MGA: variants seen among roughly 807,000 people sequenced by gnomAD.
The protein encoded by MGA is MAX gene-associated protein.
In MGA, 40 loss-of-function variants were observed where a neutral mutation model predicts 261.1. The observed-to-expected ratio is 0.15, with a 90% CI of 0.12 to 0.20. The LOEUF (loss-of-function observed/expected upper bound fraction) is 0.20, where lower values mean the gene tolerates loss of function less well. Among genes scored for constraint, MGA ranks in the 10% least tolerant of loss-of-function variants. MGA has a pLI of 1.00. For missense variants in MGA, 3,397 were observed against 3,630.5 expected (o/e 0.94, Z 1.65); for synonymous variants, 1,302 against 1,290.6 (o/e 1.01, Z -0.19).
At chr15:41,672,090 GAA>G (rs2058093001) in intron 2 of MGA, among the ~76,000 whole-genome samples, 1 of 152,198 alleles carries the variant, frequency 6.6e-6, no homozygotes, top group Non-Finnish European at 1.5e-5. Context: ...GGATGATGCA[GAA>G]TTTATTGAAA....
At chr15:41,708,809 C>T (rs1043410489) in intron 7 of MGA, among the ~76,000 whole-genome samples, 1 of 152,178 alleles carries the variant, frequency 6.6e-6, no homozygotes, top group Admixed American at 6.5e-5. Flanking sequence ...GAACTGTATA[C>T]TTCAGAGTTT....
intron 1 of MGA, among the ~76,000 whole-genome samples, chr15:41,650,309 C>G (rs2057016704): frequency 6.6e-6 from 1 of 152,194 alleles, no homozygotes; most frequent in Non-Finnish European, 1.5e-5. Context: ...TTTGCATAAG[C>G]TGTTCCTTCT....
chr15:41,691,494 T>C (rs959651171), intron 2 of MGA: 33 of 298,508 alleles, frequency 1.1e-4, no homozygotes, highest in African/African-American at 7.0e-4. Flanking sequence ...TAGTTTTGCT[T>C]TTTCCTCTAC....
chr15:41,730,996 G>A (rs1264909851), intron 11 of MGA, among the ~76,000 whole-genome samples: 3 of 152,086 alleles, frequency 2.0e-5, no homozygotes, highest in Non-Finnish European at 4.4e-5. Context: ...ATCTTTAAGT[G>A]AAGAGCAAAA....
intron 15 of MGA, 40 bp downstream of exon 15, chr15:41,743,212 C>T (rs1463264772): frequency 1.3e-6 from 2 of 1,538,304 alleles, no homozygotes; most frequent in East Asian, 4.7e-5. Context: ...TTTTACTGTA[C>T]ACCTATTTAT....
At chr15:41,704,431 G>A (rs567396763) in intron 5 of MGA, among the ~76,000 whole-genome samples, 27 of 152,178 alleles carry the variant, frequency 1.8e-4, no homozygotes, top group Admixed American at 3.9e-4. Context: ...AGGCCAAGGC[G>A]GGTGGATCAC....
intron 2 of MGA, among the ~76,000 whole-genome samples, chr15:41,692,950 A>G (rs148648924): frequency 4.1e-4 from 63 of 152,188 alleles, no homozygotes; most frequent in Non-Finnish European, 8.5e-4. Flanking sequence ...CACCTGCATC[A>G]GCCTCCCAAA....
At chr15:41,763,294 G>A (rs1403269440) in intron 22 of MGA, among the ~76,000 whole-genome samples, 80 of 150,142 alleles carry the variant, frequency 5.3e-4, no homozygotes, top group African/African-American at 1.9e-3. Context: ...GTAGAGACGG[G>A]GTTTCACCGT....
At chr15:41,650,708 G>A (rs558339541) in intron 1 of MGA, among the ~76,000 whole-genome samples, 1 of 152,184 alleles carries the variant, frequency 6.6e-6, no homozygotes. Context: ...AAAGTGCTGA[G>A]ATTACAGGCG....
chr15:41,755,831 C>T lies in MGA; in HGVS notation c.7139+1264C>T, dbSNP rs546913641. On this transcript the variant is annotated intron_variant, in intron 18 of 23. Coordinates refer to ENST00000219905, the MANE Select transcript of MGA (RefSeq NM_001164273.2). Reference sequence around the variant, plus strand: ...TTCAGGAGTTCAAGACCAGGCGGGCCAACATGGCGAAACCCTGTCTCTACT... The same window carrying T: ...TTCAGGAGTTCAAGACCAGGCGGGCTAACATGGCGAAACCCTGTCTCTACT... 3.3e-4 allele frequency among the ~76,000 whole-genome samples: 51 copies of T among 152,240 alleles called. 1 individual carries two copies. Among genetic ancestry groups the T allele is most frequent in the African/African-American group, 1.2e-3 (50 of 41,550 alleles).
chr15:41,638,141 C>G (rs2056747407), intron 1 of MGA, among the ~76,000 whole-genome samples: 1 of 136,676 alleles, frequency 7.3e-6, no homozygotes, highest in Non-Finnish European at 1.5e-5. Flanking sequence ...CTCCTGGGTT[C>G]AAGCAATTCT....
Position 41,660,880 on chromosome 15 carries a change from T to C in MGA, c.-68+355T>C, listed in dbSNP as rs1031883727. 3.3e-5 allele frequency among the ~76,000 whole-genome samples: 5 copies of C among 152,170 alleles called. No homozygotes were observed. In the East Asian group the frequency reaches 7.7e-4, roughly 24 times the overall value. Reference sequence around the variant, plus strand: ...TGGGGTGCCGCTCCGCGTGGTACGGTCCGCGTGACGACTTCTCGCCCGGCG... The same window carrying C: ...TGGGGTGCCGCTCCGCGTGGTACGGCCCGCGTGACGACTTCTCGCCCGGCG... On this transcript the variant is annotated intron_variant, in intron 1 of 23. Transcript: ENST00000219905.
At chr15:41,732,392 C>T (rs1008161004) in intron 11 of MGA, among the ~76,000 whole-genome samples, 1 of 152,174 alleles carries the variant, frequency 6.6e-6, no homozygotes, top group Non-Finnish European at 1.5e-5. Flanking sequence ...TCGTGATCCG[C>T]GCACCTCAGC....
intron 5 of MGA, among the ~76,000 whole-genome samples, chr15:41,702,414 G>A (rs1387760811): frequency 1.3e-5 from 2 of 151,938 alleles, no homozygotes; most frequent in Non-Finnish European, 2.9e-5. Flanking sequence ...GCCAATCCCA[G>A]GGCTCTGAAG....
chr15:41,738,662 G>A (rs757537740), intron 13 of MGA, among the ~76,000 whole-genome samples: 6 of 152,176 alleles, frequency 3.9e-5, no homozygotes, highest in Non-Finnish European at 8.8e-5. Flanking sequence ...AGCCACCATA[G>A]AATGTGTCTG....
At chr15:41,734,458 C>A in intron 11 of MGA, 64 bp from the exon 12 acceptor site, 2 of 1,281,844 alleles carry the variant, frequency 1.6e-6, no homozygotes, top group Admixed American at 2.2e-5. Flanking sequence ...TGCTTGTGTC[C>A]AAGTTTCTGT....
chr15:41,763,092 C>CTTTTTTTTTTTTTTTTTTTT (rs71108131), intron 22 of MGA, among the ~76,000 whole-genome samples: 2 of 63,970 alleles, frequency 3.1e-5, no homozygotes, highest in African/African-American at 5.9e-5. Context: ...TTCTTTCTTC[C>CTTTTTTTTTTTTTTTTTTTT]TTTTTTTTTT....
At position 41,767,970 on chromosome 15, in the gene MGA, T is replaced by G. The variant is rs2063881288; in HGVS notation, c.*690T>G. ...TCTTAAAAAAATAGTAGTTCTCCCT[T>G]ATTATTTTTGTGGGCATTGAAAAGC... On this transcript the variant is annotated 3_prime_UTR_variant, in exon 24 of 24. Coordinates refer to ENST00000219905, the MANE Select transcript of MGA (RefSeq NM_001164273.2). The G allele has an allele frequency of 6.6e-6, 1 of 152,464 alleles. No homozygotes were observed. The highest frequency in any genetic ancestry group is 1.5e-5 in the Non-Finnish European group (1 of 68,052). 9.4% of individuals were successfully genotyped at this position (152,464 alleles called of 1,614,324 possible). A position where few individuals can be genotyped will look rare whatever the true frequency, so the allele number is the denominator to read the frequency against.
chr15:41,696,836 A>C lies in MGA; in HGVS notation c.1826A>C (p.Asn609Thr), dbSNP rs1386434287. The change falls in exon 3 of 24, where the codon AAT becomes ACT. Residue 609 changes from asparagine to threonine, a missense_variant. Transcript: ENST00000219905. Reference sequence around the variant, plus strand: ...AATGCTAATCAGAATGCCTCTCCAAATGTCCCTGGAAAAAGAGGAAGGCCA... The same window carrying C: ...AATGCTAATCAGAATGCCTCTCCAACTGTCCCTGGAAAAAGAGGAAGGCCA... 1 of 1,599,474 alleles carries C rather than the reference A, an allele frequency of 6.3e-7. No individual in the cohort carries two copies.
Sources: allele counts gnomAD v4.1 joint callset (sites outside exome capture counted in the v4.1 genomes callset), GRCh38; gene constraint gnomAD v4.1.1; transcripts MANE v1.5; gene names NCBI Gene and HGNC (gene_info 2026-07-23, HGNC 2026-07-21).